VPS35L: variants seen among roughly 807,000 people sequenced by gnomAD.
VPS35L encodes the protein VPS35 endosomal protein sorting factor like, also known as VPS35 endosomal protein-sorting factor-like.
A neutral mutation model predicts 133.0 loss-of-function variants in VPS35L; 83 were observed. The observed-to-expected ratio is 0.62, with a 90% CI of 0.52 to 0.75. VPS35L has a LOEUF of 0.75. Ranked by LOEUF, VPS35L falls within the 30% of genes least tolerant of loss-of-function variation. The pLI is 0.00. For synonymous variants in VPS35L, 423 were observed against 449.9 expected (o/e 0.94, Z 0.76); for missense variants, 1,083 against 1,206.8 (o/e 0.90, Z 1.52).
At chr16:19,575,499 G>A (rs1448715995) in intron 5 of VPS35L, among the ~76,000 whole-genome samples, 1 of 151,342 alleles carries the variant, frequency 6.6e-6, no homozygotes, top group East Asian at 2.0e-4. Flanking sequence ...CTGAGAGGCG[G>A]AGGTTTCAGT....
At chr16:19,613,730 T>C (rs971757144) in intron 12 of VPS35L, among the ~76,000 whole-genome samples, 20 of 152,282 alleles carry the variant, frequency 1.3e-4, no homozygotes, top group African/African-American at 4.6e-4. Context: ...CTGGGGTTGG[T>C]GTCTGGGTAC....
chr16:19,698,357 G>T (rs1463738313), intron 29 of VPS35L, among the ~76,000 whole-genome samples: 2 of 152,014 alleles, frequency 1.3e-5, no homozygotes, highest in Non-Finnish European at 2.9e-5. Context: ...CCTCTTTCCT[G>T]TTTTTCTCTT....
chr16:19,695,104 G>A (rs1975859421), intron 29 of VPS35L, among the ~76,000 whole-genome samples: 1 of 152,018 alleles, frequency 6.6e-6, no homozygotes, highest in Non-Finnish European at 1.5e-5. Context: ...GCCATGCCCA[G>A]CCTTCCCCTG....
Position 19,682,260 on chromosome 16 carries a change from A to G in VPS35L, c.2397A>G (p.Arg799=). The G allele has an allele frequency of 6.2e-7, 1 of 1,614,018 alleles. No individual in the cohort carries two copies. The highest frequency in any genetic ancestry group is 8.5e-7 in the Non-Finnish European group (1 of 1,180,014). ...HPEHGVLFLV[R]ELLNVIQDYT... ...AACATGGGGTCCTGTTTCTTGTTCG[A>G]GAGCTTCTCAACGTGATCCAGGACT... The change falls in exon 28 of 31, where the codon CGA becomes CGG. Residue 799 remains arginine, a synonymous_variant. Transcript: ENST00000417362.
chr16:19,652,146 T>TG, intron 26 of VPS35L, 56 bp downstream of exon 26: 1 of 1,234,250 alleles, frequency 8.1e-7, no homozygotes, highest in Non-Finnish European at 1.2e-6. Context: ...GAAAACTGAC[T>TG]CAGGTGTGTG....
At chr16:19,650,779 T>C (rs1411161688) in intron 25 of VPS35L, among the ~76,000 whole-genome samples, 3 of 152,012 alleles carry the variant, frequency 2.0e-5, no homozygotes, top group Admixed American at 1.3e-4. Context: ...TTTATAACAT[T>C]ATAAAATATA....
chr16:19,589,451 C>T (rs545234622), intron 7 of VPS35L, among the ~76,000 whole-genome samples: 2 of 152,170 alleles, frequency 1.3e-5, no homozygotes, highest in Non-Finnish European at 2.9e-5. Context: ...CACTACATTG[C>T]CCAAGCTGGT....
Position 19,642,390 on chromosome 16 carries a change from T to C in VPS35L, c.1785-6T>C. The C allele has an allele frequency of 6.2e-7, 1 of 1,613,042 alleles. No individual in the cohort carries two copies. On this transcript the variant is annotated splice_region_variant and splice_polypyrimidine_tract_variant and intron_variant, in intron 21 of 30. Coordinates refer to ENST00000417362, the MANE Select transcript of VPS35L (RefSeq NM_020314.7). ...ACTTTGACTTTTATCTTTAAATGTC[T>C]CCTAGGCATCAACAAGAGCCCACCA... is the stretch of plus-strand genomic sequence containing the variant.
At chr16:19,669,427 G>A in intron 27 of VPS35L, 128 bp downstream of exon 27, 1 of 1,164,638 alleles carries the variant, frequency 8.6e-7, no homozygotes, top group Non-Finnish European at 1.2e-6. Flanking sequence ...TTCCAGTTAG[G>A]TATTTGAATT....
intron 3 of VPS35L, among the ~76,000 whole-genome samples, chr16:19,571,610 T>C (rs1004404944): frequency 3.9e-5 from 6 of 152,114 alleles, no homozygotes; most frequent in Admixed American, 6.6e-5. Context: ...AGTGGCGCGA[T>C]CTTGGCTCAC....
intron 27 of VPS35L, among the ~76,000 whole-genome samples, chr16:19,673,110 C>A (rs1318206584): frequency 1.3e-5 from 2 of 152,204 alleles, no homozygotes; most frequent in Non-Finnish European, 2.9e-5. Flanking sequence ...CCTCAAATGA[C>A]TCCTGTGAGG....
chr16:19,637,743 G>T, intron 20 of VPS35L, 87 bp downstream of exon 20: 2 of 915,010 alleles, frequency 2.2e-6, no homozygotes, highest in Non-Finnish European at 3.3e-6. Flanking sequence ...TGATGCCCCA[G>T]GCCAAAAGAA....
chr16:19,565,155 C>T (rs143567386), intron 2 of VPS35L, among the ~76,000 whole-genome samples: 232 of 150,578 alleles, frequency 1.5e-3, no homozygotes, highest in Non-Finnish European at 2.7e-3. Flanking sequence ...TGGGTTTAAG[C>T]GATTCTCCTG....
intron 22 of VPS35L, among the ~76,000 whole-genome samples, chr16:19,643,114 TTTC>T (rs148866233): frequency 0.011 from 1,669 of 152,326 alleles, 11 homozygotes; most frequent in African/African-American, 0.017. Flanking sequence ...ATGAACTGTA[TTTC>T]TTCTTTGTTT....
chr16:19,650,316 T>C (rs1567455462), intron 24 of VPS35L, 66 bp from the exon 25 acceptor site: 4 of 1,271,664 alleles, frequency 3.1e-6, no homozygotes, highest in Non-Finnish European at 3.4e-6. Flanking sequence ...TTGAGATCTC[T>C]ATGGAAGACA....
intron 12 of VPS35L, among the ~76,000 whole-genome samples, 184 bp from the exon 13 acceptor site, chr16:19,615,930 C>T (rs112894841): frequency 0.026 from 3,935 of 150,598 alleles, 145 homozygotes; most frequent in African/African-American, 0.084. Flanking sequence ...TCGCACCCAC[C>T]GCACTCCAGC....
intron 26 of VPS35L, among the ~76,000 whole-genome samples, chr16:19,658,363 C>T (rs1203657613): frequency 6.6e-6 from 1 of 152,092 alleles, no homozygotes; most frequent in Non-Finnish European, 1.5e-5. Flanking sequence ...AACCTCGTCT[C>T]TACTAAAAAT....
intron 24 of VPS35L, among the ~76,000 whole-genome samples, chr16:19,649,592 GACAA>G (rs1974061095): frequency 6.6e-6 from 1 of 152,116 alleles, no homozygotes; most frequent in African/African-American, 2.4e-5. Context: ...TACAATGTGC[GACAA>G]ACAAATATTC....
At chr16:19,629,046 G>A (rs1402452796) in intron 17 of VPS35L, among the ~76,000 whole-genome samples, 1 of 152,126 alleles carries the variant, frequency 6.6e-6, no homozygotes, top group Non-Finnish European at 1.5e-5. Context: ...AAAATGCTGG[G>A]ATTACAGGCG....
Sources: allele counts gnomAD v4.1 joint callset (sites outside exome capture counted in the v4.1 genomes callset), GRCh38; gene constraint gnomAD v4.1.1; transcripts MANE v1.5; gene names NCBI Gene and HGNC (gene_info 2026-07-23, HGNC 2026-07-21).